RAPGEF2: variants seen among roughly 807,000 people sequenced by gnomAD.
RAPGEF2 encodes the protein PDZ domain containing guanine nucleotide exchange factor (GEF) 1.
In RAPGEF2, 54 loss-of-function variants were observed where a neutral mutation model predicts 186.7. The ratio of observed to expected loss-of-function variants is 0.29; its 90% CI spans 0.23 to 0.36. The LOEUF is 0.36. Among genes scored for constraint, RAPGEF2 ranks in the 10% least tolerant of loss-of-function variants. RAPGEF2 has a pLI of 1.00. For synonymous variants in RAPGEF2, 712 were observed against 705.9 expected (o/e 1.01, Z -0.14); for missense variants, 1,532 against 2,045.0 (o/e 0.75, Z 4.84).
rs567022418 is a variant in RAPGEF2, at chr4:159,235,242, T to C, written c.282-3567T>C. ...ATTGTAATTATTGTTTTTGATTCTT[T>C]CCTTGTGTGTCCATCATTTCAAAGT... On this transcript the variant is annotated intron_variant, in intron 4 of 29. Coordinates refer to ENST00000691494, the MANE Select transcript of RAPGEF2 (RefSeq NM_001394067.2). Among the ~76,000 whole-genome samples, 10 of 152,354 alleles carry C rather than the reference T, an allele frequency of 6.6e-5. 1 individual carries two copies. The South Asian group carries it at 1.7e-3, about 25-fold the overall frequency.
At chr4:159,215,026 CA>C (rs749703439) in intron 4 of RAPGEF2, among the ~76,000 whole-genome samples, 10 of 152,156 alleles carry the variant, frequency 6.6e-5, no homozygotes, top group Non-Finnish European at 1.3e-4. Flanking sequence ...CCACATCCTG[CA>C]AAGTTTTGTA....
intron 1 of RAPGEF2, among the ~76,000 whole-genome samples, chr4:159,167,436 T>C (rs1333368578): frequency 6.6e-6 from 1 of 152,168 alleles, no homozygotes; most frequent in Admixed American, 6.5e-5. Context: ...AGGATCCTTA[T>C]GAAGAAGAAT....
rs754600634 is a variant in RAPGEF2, at chr4:159,354,005, C to T, written c.4610C>T (p.Ala1537Val). ...TEETKPVPMPAHIAVASSTTK... is the reference protein window; with the variant it reads ...TEETKPVPMPVHIAVASSTTK... ...GAAACCAAGCCTGTCCCCATGCCTG[C>T]CCACATAGCTGTGGCATCAAGTACT... The change falls in exon 28 of 30, where the codon GCC becomes GTC. Residue 1537 changes from alanine (A) to valine (V), a missense_variant. This residue lies in a region of RAPGEF2 where 594 missense variants were observed against 608.5 expected (regional missense o/e 0.98). Transcript: ENST00000691494. 1 of 1,606,348 alleles carries T rather than the reference C, an allele frequency of 6.2e-7. No individual in the cohort carries two copies. The highest frequency in any genetic ancestry group is 1.1e-5 in the South Asian group (1 of 89,822).
In RAPGEF2 at chr4:159,343,309, C is replaced by T. The variant is rs760560660; in HGVS notation, c.3159C>T (p.Val1053=). ...EGNDSKVDGL[V]NFEKLRMIAK... Reference sequence around the variant, plus strand: ...ATGACTCAAAAGTAGACGGGCTGGTCAATTTTGAGAAGCTAAGGATGATTG... The same window carrying T: ...ATGACTCAAAAGTAGACGGGCTGGTTAATTTTGAGAAGCTAAGGATGATTG... The change falls in exon 22 of 30, where the codon GTC becomes GTT. Residue 1053 remains valine (V), a synonymous_variant. Transcript: ENST00000691494. The T allele has an allele frequency of 1.2e-6, 2 of 1,614,026 alleles. No homozygotes were observed. The highest frequency in any genetic ancestry group is 1.7e-6 in the Non-Finnish European group (2 of 1,179,946).
intron 1 of RAPGEF2, among the ~76,000 whole-genome samples, chr4:159,131,737 A>G (rs569010013): frequency 6.6e-6 from 1 of 151,758 alleles, no homozygotes; most frequent in African/African-American, 2.4e-5. Flanking sequence ...TTTTCTCAGC[A>G]GTCCTACAGC....
intron 9 of RAPGEF2, among the ~76,000 whole-genome samples, chr4:159,322,134 C>G (rs1478920453): frequency 6.6e-6 from 1 of 152,130 alleles, no homozygotes; most frequent in East Asian, 1.9e-4. Flanking sequence ...ACTGTTGCCT[C>G]TAATTCAACA....
At chr4:159,252,614 A>T (rs1276597036) in intron 7 of RAPGEF2, among the ~76,000 whole-genome samples, 4 of 151,398 alleles carry the variant, frequency 2.6e-5, no homozygotes, top group African/African-American at 9.8e-5. Flanking sequence ...TTTAGTATTA[A>T]CTTTGGTTAG....
At chr4:159,148,079 T>C (rs1478874636) in intron 1 of RAPGEF2, among the ~76,000 whole-genome samples, 2 of 152,152 alleles carry the variant, frequency 1.3e-5, no homozygotes, top group Non-Finnish European at 2.9e-5. Context: ...ACTGTTTTGT[T>C]TTTAGGTTAA....
chr4:159,293,919 A>G (rs1457342141), intron 7 of RAPGEF2, among the ~76,000 whole-genome samples: 1 of 152,152 alleles, frequency 6.6e-6, no homozygotes, highest in African/African-American at 2.4e-5. Context: ...AAGATATAGA[A>G]GTGGCGTACT....
At chr4:159,121,011 C>T (rs561707070) in intron 1 of RAPGEF2, among the ~76,000 whole-genome samples, 3 of 152,136 alleles carry the variant, frequency 2.0e-5, no homozygotes, top group African/African-American at 4.8e-5. Flanking sequence ...CCCACCACCA[C>T]GCCCAGCTAA....
In RAPGEF2 at chr4:159,210,487, CT is replaced by C. The variant is rs1273831465; in HGVS notation, c.198-9del. 2.6e-6 allele frequency: 4 copies of C among 1,514,492 alleles called. No individual in the cohort carries two copies. Among genetic ancestry groups the C allele is most frequent in the African/African-American group, 2.8e-5 (2 of 72,408 alleles). The allele number at this position is 1,514,492 out of a possible 1,614,324, so 93.8% of individuals were successfully genotyped here. A position where few individuals can be genotyped will look rare whatever the true frequency, so the allele number is the denominator to read the frequency against. ...ATAGGTAACAATCTGATTCTGTTACCTTTTCTTTTCAGCCCTGATGATATTG... is the reference window on the plus strand; with the variant it reads ...ATAGGTAACAATCTGATTCTGTTACCTTTCTTTTCAGCCCTGATGATATTG... On this transcript the variant is annotated splice_polypyrimidine_tract_variant and intron_variant, in intron 3 of 29. Transcript: ENST00000691494.
At chr4:159,219,079 A>G (rs753124095) in intron 4 of RAPGEF2, among the ~76,000 whole-genome samples, 5 of 152,072 alleles carry the variant, frequency 3.3e-5, no homozygotes, top group East Asian at 1.9e-4. Context: ...GCATAAATAT[A>G]TATTTGTTTG....
At chr4:159,186,525 A>G (rs933644109) in intron 1 of RAPGEF2, 117 bp from the exon 2 acceptor site, 3 of 485,142 alleles carry the variant, frequency 6.2e-6, no homozygotes, top group Non-Finnish European at 7.1e-6. Flanking sequence ...TTAAGAAAAC[A>G]TGTATTTTTA....
At chr4:159,108,483 T>C (rs1738144669) in intron 1 of RAPGEF2, among the ~76,000 whole-genome samples, 1 of 151,792 alleles carries the variant, frequency 6.6e-6, no homozygotes, top group African/African-American at 2.4e-5. Flanking sequence ...TAACTTCTTA[T>C]CACTATCATT....
At position 159,225,254 on chromosome 4, in the gene RAPGEF2, C is replaced by T. The variant is rs924481648; in HGVS notation, c.282-13555C>T. ...TGAAAACTTTAAAATTTTGCTGTAC[C>T]GCCCAACCCAGTGCAGAGTTGTCTC... is the stretch of plus-strand genomic sequence containing the variant. On this transcript the variant is annotated intron_variant, in intron 4 of 29. Transcript: ENST00000691494. 5.3e-5 allele frequency among the ~76,000 whole-genome samples: 8 copies of T among 152,200 alleles called. No individual in the cohort carries two copies. In the South Asian group the frequency reaches 1.0e-3, roughly 20 times the overall value.
At chr4:159,157,997 C>G (rs567011182) in intron 1 of RAPGEF2, among the ~76,000 whole-genome samples, 2 of 152,156 alleles carry the variant, frequency 1.3e-5, no homozygotes, top group South Asian at 2.1e-4. Flanking sequence ...GTGGGGCTAG[C>G]AGATGGTGCC....
At chr4:159,219,460 A>G (rs1439475131) in intron 4 of RAPGEF2, among the ~76,000 whole-genome samples, 2 of 140,658 alleles carry the variant, frequency 1.4e-5, no homozygotes, top group Non-Finnish European at 3.0e-5. Context: ...GGTTCACGCC[A>G]TTCTCCTGCC....
At chr4:159,127,761 A>G (rs1740519886) in intron 1 of RAPGEF2, among the ~76,000 whole-genome samples, 1 of 152,242 alleles carries the variant, frequency 6.6e-6, no homozygotes, top group Admixed American at 6.5e-5. Context: ...CTAATGGGGT[A>G]TATAGCTCAG....
intron 29 of RAPGEF2, among the ~76,000 whole-genome samples, chr4:159,357,631 C>T (rs1451159420): frequency 1.3e-5 from 2 of 151,926 alleles, no homozygotes; most frequent in Admixed American, 6.6e-5. Context: ...TGCAGTGAGC[C>T]GAGAACACTG....
Sources: allele counts gnomAD v4.1 joint callset (sites outside exome capture counted in the v4.1 genomes callset), GRCh38; gene constraint gnomAD v4.1.1; regional missense constraint gnomAD v4.1.1; transcripts MANE v1.5; gene names NCBI Gene and HGNC (gene_info 2026-07-23, HGNC 2026-07-21).